Variants in MDFIC2 observed in about 807,000 individuals in gnomAD.
MDFIC2 encodes the protein MyoD family inhibitor domain containing 2.
At chr3:70,291,024 T>C (rs1231543673) in intron 2 of MDFIC2, among the ~76,000 whole-genome samples, 1 of 152,226 alleles carries the variant, frequency 6.6e-6, no homozygotes, top group Non-Finnish European at 1.5e-5. Flanking sequence ...GGTCTTCTGC[T>C]TCGCTCACGC....
At chr3:70,269,903 C>T (rs1359725068) in intron 2 of MDFIC2, among the ~76,000 whole-genome samples, 4 of 152,054 alleles carry the variant, frequency 2.6e-5, no homozygotes, top group Non-Finnish European at 5.9e-5. Context: ...AATTACTATT[C>T]TTAAGTGACA....
intron 2 of MDFIC2, among the ~76,000 whole-genome samples, chr3:70,266,206 A>G (rs1701915885): frequency 1.3e-5 from 2 of 152,052 alleles, no homozygotes; most frequent in African/African-American, 4.8e-5. Flanking sequence ...TTTTTATTGA[A>G]GGAGGAACTT....
At chr3:70,227,031 C>T (rs556361457) in intron 2 of MDFIC2, among the ~76,000 whole-genome samples, 1 of 152,072 alleles carries the variant, frequency 6.6e-6, no homozygotes, top group Non-Finnish European at 1.5e-5. Flanking sequence ...GCATCTTTTT[C>T]CTGGGAAAAT....
chr3:70,245,669 CTT>C (rs1214842980), intron 2 of MDFIC2, among the ~76,000 whole-genome samples: 8 of 72,216 alleles, frequency 1.1e-4, no homozygotes, highest in Admixed American at 3.7e-4. Flanking sequence ...TTGCAAACTG[CTT>C]TATATATATA....
chr3:70,280,972 C>T (rs184186028), intron 2 of MDFIC2, among the ~76,000 whole-genome samples: 3 of 152,294 alleles, frequency 2.0e-5, no homozygotes, highest in Admixed American at 2.0e-4. Context: ...CGTATTTCTA[C>T]ACAGCTGTAC....
intron 2 of MDFIC2, among the ~76,000 whole-genome samples, chr3:70,280,183 G>T (rs1702066423): frequency 6.6e-6 from 1 of 152,012 alleles, no homozygotes; most frequent in South Asian, 2.1e-4. Flanking sequence ...CTGTCCCCAT[G>T]GTTGTATCAT....
chr3:70,205,046 C>G (rs1701277681), intron 3 of MDFIC2: 1 of 152,088 alleles, frequency 6.6e-6, no homozygotes, highest in Non-Finnish European at 1.5e-5. Flanking sequence ...ATCCTGAATT[C>G]AGAGTCATAA....
chr3:70,197,247 A>C (rs1177057454), intron 3 of MDFIC2, 62 bp from the exon 4 acceptor site: 1 of 397,952 alleles, frequency 2.5e-6, no homozygotes, highest in Non-Finnish European at 4.4e-6. Context: ...AAGGACAGGC[A>C]TGTGTGCTGG....
intron 2 of MDFIC2, among the ~76,000 whole-genome samples, chr3:70,250,479 G>A (rs576561559): frequency 2.7e-5 from 4 of 150,424 alleles, no homozygotes; most frequent in South Asian, 2.1e-4. Flanking sequence ...GATTTCCAAC[G>A]AGATGTAAAT....
At chr3:70,216,701 C>A (rs533654314) in intron 2 of MDFIC2, among the ~76,000 whole-genome samples, 1 of 152,262 alleles carries the variant, frequency 6.6e-6, no homozygotes, top group South Asian at 2.1e-4. Flanking sequence ...ATACTCAGGT[C>A]TCTGCTCAAA....
At chr3:70,276,900 T>C (rs1268321531) in intron 2 of MDFIC2, among the ~76,000 whole-genome samples, 1 of 152,154 alleles carries the variant, frequency 6.6e-6, no homozygotes, top group African/African-American at 2.4e-5. Flanking sequence ...AGAAAGTTTA[T>C]GTTCTCAACT....
rs755061444 is a variant in MDFIC2, at chr3:70,224,572, A to G, written c.89-17782T>C. ...CAACACTATAATTTCCGCAATGCTC[A>G]CTAAGTGTCTGACTTTACAACTGCC... On this transcript the variant is annotated intron_variant, in intron 2 of 3. Coordinates refer to ENST00000567252, the MANE Select transcript of MDFIC2 (RefSeq NM_001364677.1). Among the ~76,000 whole-genome samples, 5 of 152,296 alleles carry G rather than the reference A, an allele frequency of 3.3e-5. No homozygotes were observed. The Middle Eastern group carries it at 0.014, about 414-fold the overall frequency.
chr3:70,230,640 GT>G (rs1167215472), intron 2 of MDFIC2, among the ~76,000 whole-genome samples: 1 of 152,144 alleles, frequency 6.6e-6, no homozygotes, highest in Non-Finnish European at 1.5e-5. Flanking sequence ...AACAAAAAAA[GT>G]TGAGCTGCAA....
chr3:70,253,580 A>C (rs543109024), intron 2 of MDFIC2, among the ~76,000 whole-genome samples: 1 of 152,208 alleles, frequency 6.6e-6, no homozygotes. Flanking sequence ...ATAATTAGCC[A>C]GGTGTGGTGA....
At chr3:70,259,199 C>G (rs960575760) in intron 2 of MDFIC2, among the ~76,000 whole-genome samples, 1 of 152,044 alleles carries the variant, frequency 6.6e-6, no homozygotes, top group Non-Finnish European at 1.5e-5. Context: ...TAGCCATTTC[C>G]CAGAACACAT....
In MDFIC2 at chr3:70,287,957, T is replaced by A. The variant is rs529585429; in HGVS notation, c.88+23929A>T. Among the ~76,000 whole-genome samples, 424 of 152,294 alleles carry A rather than the reference T, an allele frequency of 2.8e-3. 3 individuals carry two copies. The highest frequency in any genetic ancestry group is 9.3e-3 in the African/African-American group (388 of 41,554). ...ATTTGATTCTTCTCTCTTTTTTTCT[T>A]TATTAGTCTTGCTAGCAGTCTATCT... On this transcript the variant is annotated intron_variant, in intron 2 of 3. Coordinates refer to ENST00000567252, the MANE Select transcript of MDFIC2 (RefSeq NM_001364677.1).
chr3:70,268,974 T>A (rs1701950174), intron 2 of MDFIC2, among the ~76,000 whole-genome samples: 1 of 152,130 alleles, frequency 6.6e-6, no homozygotes, highest in Non-Finnish European at 1.5e-5. Context: ...AGGAAAAATC[T>A]TAACCTTCTT....
At chr3:70,241,434 T>C (rs1243861733) in intron 2 of MDFIC2, among the ~76,000 whole-genome samples, 2 of 152,208 alleles carry the variant, frequency 1.3e-5, no homozygotes, top group African/African-American at 4.8e-5. Flanking sequence ...AAAAAGTTTA[T>C]ATCTCATTTG....
chr3:70,310,639 T>C (rs1400203541), intron 2 of MDFIC2, among the ~76,000 whole-genome samples: 2 of 152,070 alleles, frequency 1.3e-5, no homozygotes, highest in East Asian at 3.9e-4. Context: ...GTGCTGGGAT[T>C]ATAGATGTGA....
Sources: allele counts gnomAD v4.1 joint callset (sites outside exome capture counted in the v4.1 genomes callset), GRCh38; gene constraint gnomAD v4.1.1; transcripts MANE v1.5; gene names NCBI Gene and HGNC (gene_info 2026-07-23, HGNC 2026-07-21).